ZNF540: variants seen among roughly 807,000 people sequenced by gnomAD.
ZNF540 encodes zinc finger protein 540.
In ZNF540, 3 loss-of-function variants were observed where a neutral mutation model predicts 11.8. The ratio of observed to expected loss-of-function variants is 0.25; its 90% CI spans 0.12 to 0.65. The LOEUF (loss-of-function observed/expected upper bound fraction) is 0.65. ZNF540 is among the 30% of genes least tolerant of loss of function. The pLI is 0.83. For missense variants in ZNF540, 709 were observed against 793.1 expected, an observed-to-expected ratio of 0.89 and a Z score of 1.27; for synonymous variants, 247 against 259.0, an observed-to-expected ratio of 0.95 and a Z score of 0.45.
At chr19:37,570,878 A>G (rs920722894) in intron 1 of ZNF540, among the ~76,000 whole-genome samples, 2 of 151,840 alleles carry the variant, frequency 1.3e-5, no homozygotes, top group Admixed American at 1.3e-4. Context: ...TTGATTACCA[A>G]AAGCATATGT....
upstream of ZNF540, among the ~76,000 whole-genome samples, chr19:37,591,232 C>T (rs181774731): frequency 3.3e-5 from 5 of 152,296 alleles, no homozygotes; most frequent in African/African-American, 1.2e-4. Flanking sequence ...AGAAATGGCT[C>T]ATTTCAGGGC....
At chr19:37,572,633 C>T (rs969250924) in intron 1 of ZNF540, among the ~76,000 whole-genome samples, 3 of 152,126 alleles carry the variant, frequency 2.0e-5, no homozygotes, top group Admixed American at 1.3e-4. Context: ...GCTGTTTTTG[C>T]TAAGAAAGTA....
In ZNF540 at chr19:37,612,028, A is replaced by T; in HGVS notation, c.748A>T (p.Lys250Ter). 1 of 1,613,688 alleles carries T rather than the reference A, an allele frequency of 6.2e-7. No individual in the cohort carries two copies. The highest frequency in any genetic ancestry group is 8.5e-7 in the Non-Finnish European group (1 of 1,179,954). ...ACCCTATGAATGTCAAGAATGTGGG[A>T]AGACCTTTACTCTTTACCCACAACT... Reference protein sequence around the residue: ...EKPYECQECGKTFTLYPQLNR... With the variant: ...EKPYECQECG Residue 250 changes from lysine (K) to a stop codon, truncating the protein, a stop_gained, in exon 5 of 5, where the codon AAG (lysine) becomes TAG (stop). Coordinates refer to ENST00000316433, the MANE Select transcript of ZNF540 (RefSeq NM_001172225.3). LOFTEE classifies it low-confidence loss of function (END_TRUNC).
chr19:37,582,053 TAC>T (rs747048940), intron 1 of ZNF540, among the ~76,000 whole-genome samples: 5 of 152,210 alleles, frequency 3.3e-5, no homozygotes, highest in African/African-American at 4.8e-5. Flanking sequence ...CCCTAATTAT[TAC>T]AGTGTTCTTA....
chr19:37,601,879 C>T (rs1001739919), intron 4 of ZNF540, among the ~76,000 whole-genome samples: 1 of 152,034 alleles, frequency 6.6e-6, no homozygotes, highest in African/African-American at 2.4e-5. Context: ...TGAGCAGGGG[C>T]CAGGTCTTAT....
intron 1 of ZNF540, chr19:37,566,440 G>C: frequency 2.3e-6 from 2 of 858,458 alleles, no homozygotes; most frequent in Non-Finnish European, 1.7e-6. Flanking sequence ...TTCTTTAAAG[G>C]CACAAGGAGA....
At chr19:37,552,874 G>A (rs940160337) in intron 1 of ZNF540, among the ~76,000 whole-genome samples, 42 of 152,044 alleles carry the variant, frequency 2.8e-4, no homozygotes, top group African/African-American at 9.9e-4. Context: ...TTGAACTCGG[G>A]AGGTAGAGGT....
rs759291201 is a variant in ZNF540, at chr19:37,613,266, TAAGAA to T, written c.*7_*11del. 2.7e-6 allele frequency: 4 copies of T among 1,475,144 alleles called. No individual in the cohort carries two copies. The highest frequency in any genetic ancestry group is 3.6e-6 in the Non-Finnish European group (4 of 1,110,328). The allele number at this position is 1,475,144 out of a possible 1,614,324, so 91.4% of individuals were successfully genotyped here. A position where few individuals can be genotyped will look rare whatever the true frequency, so the allele number is the denominator to read the frequency against. ...AGAAAACTCATAATGTAATTTAATA[TAAGAA>T]AAGGTTTCCATGTCATGCTCTATTT... is the stretch of plus-strand genomic sequence containing the variant. On this transcript the variant is annotated 3_prime_UTR_variant, in exon 5 of 5. Coordinates refer to ENST00000316433, the MANE Select transcript of ZNF540 (RefSeq NM_001172225.3).
chr19:37,602,642 C>T (rs961311820), intron 4 of ZNF540, among the ~76,000 whole-genome samples: 5 of 152,202 alleles, frequency 3.3e-5, no homozygotes, highest in African/African-American at 1.2e-4. Context: ...GCCCAGGGCA[C>T]TCTATTCAGA....
chr19:37,604,501 G>A (rs1167368846), intron 4 of ZNF540, among the ~76,000 whole-genome samples: 1 of 151,432 alleles, frequency 6.6e-6, no homozygotes, highest in Non-Finnish European at 1.5e-5. Flanking sequence ...CAGAGATGGG[G>A]TTTCACCGTG....
Position 37,613,486 on chromosome 19 carries a change from TATC to T in ZNF540, c.*229_*231del, listed in dbSNP as rs2044149577. 4.8e-6 allele frequency: 2 copies of T among 420,734 alleles called. No homozygotes were observed. The highest frequency in any genetic ancestry group is 4.1e-5 in the African/African-American group (2 of 49,106). The allele number at this position is 420,734 out of a possible 1,614,324, so 26.1% of individuals were successfully genotyped here. A position where few individuals can be genotyped will look rare whatever the true frequency, so the allele number is the denominator to read the frequency against. On this transcript the variant is annotated 3_prime_UTR_variant, in exon 5 of 5. Transcript: ENST00000316433. ...AAGTGTTCTAGCAACAGCATATACT[TATC>T]ATCATTGCCTTTCCACTACTCTACT... is the stretch of plus-strand genomic sequence containing the variant.
intron 1 of ZNF540, chr19:37,564,721 A>C: frequency 6.2e-7 from 1 of 1,613,660 alleles, no homozygotes; most frequent in Non-Finnish European, 8.5e-7. Flanking sequence ...GTTCTGAGCC[A>C]CGACTAAAGG....
At chr19:37,556,790 G>A (rs1346998425) in intron 1 of ZNF540, among the ~76,000 whole-genome samples, 2 of 152,202 alleles carry the variant, frequency 1.3e-5, no homozygotes, top group South Asian at 2.1e-4. Flanking sequence ...CCTAGTAAGG[G>A]GTGCACCTTA....
intron 1 of ZNF540, among the ~76,000 whole-genome samples, chr19:37,559,169 T>C (rs907123447): frequency 6.6e-6 from 1 of 152,204 alleles, no homozygotes; most frequent in African/African-American, 2.4e-5. Context: ...GGGATCACAG[T>C]CATACAAACC....
intron 1 of ZNF540, among the ~76,000 whole-genome samples, chr19:37,570,591 CTG>C: frequency 6.6e-6 from 1 of 152,324 alleles, no homozygotes; most frequent in Non-Finnish European, 1.5e-5. Context: ...CTAATTCAAA[CTG>C]TAATTGTTAC....
At position 37,566,001 on chromosome 19, in the gene ZNF540, C is replaced by CCTT. The variant is rs1179290799; in HGVS notation, c.-73+14337_-73+14339dup. The CCTT allele has an allele frequency of 3.1e-6, 5 of 1,614,004 alleles. No individual in the cohort carries two copies. The Admixed American group carries it at 8.3e-5, about 27-fold the overall frequency. ...AGGTAGCTGAAACCTTGTCTGCATT[C>CCTT]CTTACATTTGTACAATTTTTCCTTG... On this transcript the variant is annotated intron_variant, in intron 1 of 4. Coordinates refer to the ZNF540 transcript ENST00000592533.
chr19:37,554,454 C>A (rs114609667), intron 1 of ZNF540, among the ~76,000 whole-genome samples: 3,949 of 152,208 alleles, frequency 0.026, 179 homozygotes, highest in African/African-American at 0.089. Context: ...TAGATTCTCA[C>A]AAGGAGTTTA....
chr19:37,564,974 C>A, intron 1 of ZNF540: 1 of 1,613,520 alleles, frequency 6.2e-7, no homozygotes, highest in African/African-American at 1.3e-5. Context: ...TTGTGTAGCA[C>A]GTACAAAGGT....
chr19:37,603,004 CTT>C (rs569985494), intron 4 of ZNF540, among the ~76,000 whole-genome samples: 2,003 of 113,224 alleles, frequency 0.018, 15 homozygotes, highest in South Asian at 0.034. Context: ...TGTAAGGAGT[CTT>C]TTTTTTTTTT....
Sources: allele counts gnomAD v4.1 joint callset (sites outside exome capture counted in the v4.1 genomes callset), GRCh38; gene constraint gnomAD v4.1.1; transcripts MANE v1.5; gene names NCBI Gene and HGNC (gene_info 2026-07-23, HGNC 2026-07-21).